The following ZSCAN2 variants were observed in gnomAD, a reference collection of about 807,000 sequenced individuals.
The protein encoded by ZSCAN2 is zinc finger and SCAN domain containing 2.
Under a neutral mutation model 47.8 loss-of-function variants are expected in ZSCAN2, and 26 were observed. The ratio of observed to expected loss-of-function variants is 0.54; its 90% CI spans 0.40 to 0.75. The LOEUF (loss-of-function observed/expected upper bound fraction) is 0.75. Among genes scored for constraint, ZSCAN2 ranks in the 30% least tolerant of loss-of-function variants. The probability of loss-of-function intolerance (pLI) is 0.00; values close to 1 mark genes in which losing one functional copy is unlikely to be tolerated. For missense variants in ZSCAN2, 732 were observed against 785.4 expected (o/e 0.93, Z 0.81); for synonymous variants, 305 against 288.7 (o/e 1.06, Z -0.57).
chr15:84,604,800 C>T (rs187212837), intron 2 of ZSCAN2, among the ~76,000 whole-genome samples: 1 of 146,244 alleles, frequency 6.8e-6, no homozygotes. Flanking sequence ...TGCAGTGGCA[C>T]AATCTTGGCT....
chr15:84,615,976 A>G (rs1201280436), intron 2 of ZSCAN2, among the ~76,000 whole-genome samples: 2 of 152,130 alleles, frequency 1.3e-5, no homozygotes, highest in Non-Finnish European at 2.9e-5. Context: ...GCTCCAGCCT[A>G]TAATCCCAAC....
At chr15:84,604,413 G>T in intron 2 of ZSCAN2, 80 bp downstream of exon 2, 1 of 1,512,118 alleles carries the variant, frequency 6.6e-7, no homozygotes, top group East Asian at 2.3e-5. Flanking sequence ...AGGAGGAGAA[G>T]GTGGTGTCCA....
intron 1 of ZSCAN2, among the ~76,000 whole-genome samples, 181 bp from the exon 2 acceptor site, chr15:84,603,639 G>T (rs1251809522): frequency 6.6e-6 from 1 of 152,258 alleles, no homozygotes; most frequent in African/African-American, 2.4e-5. Flanking sequence ...ACTGCACCCA[G>T]CCTTCTTTTA....
intron 1 of ZSCAN2, among the ~76,000 whole-genome samples, chr15:84,602,673 C>G (rs946839237): frequency 6.0e-5 from 9 of 150,168 alleles, no homozygotes; most frequent in African/African-American, 2.2e-4. Context: ...ACTGCAACCT[C>G]CTCCTCCCAG....
chr15:84,605,662 C>T (rs1187030319), intron 2 of ZSCAN2, among the ~76,000 whole-genome samples: 1 of 152,122 alleles, frequency 6.6e-6, no homozygotes, highest in Non-Finnish European at 1.5e-5. Context: ...CCCCAAGGGG[C>T]ATGGAAGGAA....
At chr15:84,602,455 G>A (rs1319002612) in intron 1 of ZSCAN2, among the ~76,000 whole-genome samples, 4 of 151,908 alleles carry the variant, frequency 2.6e-5, no homozygotes, top group East Asian at 1.9e-4. Context: ...CTCTTGTGCC[G>A]CCATTGCCAA....
intron 2 of ZSCAN2, among the ~76,000 whole-genome samples, chr15:84,609,074 G>A (rs190117654): frequency 5.9e-5 from 9 of 152,338 alleles, no homozygotes; most frequent in African/African-American, 2.2e-4. Context: ...CTGGCTTTCA[G>A]CCATCAGAGG....
chr15:84,616,575 C>A, intron 2 of ZSCAN2: 1 of 1,259,124 alleles, frequency 7.9e-7, no homozygotes, highest in Non-Finnish European at 1.0e-6. Context: ...ATTTTATCTT[C>A]TGATCTCACT....
rs556888277 is a variant in ZSCAN2 at position 84,622,219 on chromosome 15, C to T, written c.*179C>T. The T allele has an allele frequency of 2.0e-4, 125 of 639,934 alleles. 1 individual carries two copies. The highest frequency in any genetic ancestry group is 1.9e-3 in the African/African-American group (103 of 54,630). The allele number at this position is 639,934 out of a possible 1,614,324, so 39.6% of individuals were successfully genotyped here. A position where few individuals can be genotyped will look rare whatever the true frequency, so the allele number is the denominator to read the frequency against. On this transcript the variant is annotated 3_prime_UTR_variant, in exon 3 of 3. Transcript: ENST00000546148. ...CATTTTAGTGGTCTGAGTCAAGTCC[C>T]GTATACATTCAAGAACAGGGCATAG...
chr15:84,610,835 G>T (rs1459491421), intron 2 of ZSCAN2, among the ~76,000 whole-genome samples: 2 of 152,108 alleles, frequency 1.3e-5, no homozygotes, highest in Non-Finnish European at 2.9e-5. Flanking sequence ...TCAAAAGACA[G>T]CATACACATT....
chr15:84,604,040 A>G lies in ZSCAN2; in HGVS notation c.113A>G (p.Asp38Gly), dbSNP rs1248358704. Residue 38 changes from aspartate (D) to glycine (G), a missense_variant, in exon 2 of 3, where the codon GAC becomes GGC. By Grantham distance (94) the Asp-to-Gly change is moderately conservative (BLOSUM62 -1). This residue lies in a region of ZSCAN2 where 320 missense variants were observed against 287.4 expected (regional missense o/e 1.11). Coordinates refer to ENST00000546148, the MANE Select transcript of ZSCAN2 (RefSeq NM_181877.4). The part of the protein sequence containing the change: ...EEVTTMILED[D>G]SWVQEAVLQE... Reference sequence around the variant, plus strand: ...GTCACCACCATGATCCTGGAGGATGACTCCTGGGTGCAAGAAGCTGTGCTG... The same window carrying G: ...GTCACCACCATGATCCTGGAGGATGGCTCCTGGGTGCAAGAAGCTGTGCTG... 2.5e-6 allele frequency: 4 copies of G among 1,613,978 alleles called. No homozygotes were observed. Among genetic ancestry groups the G allele is most frequent in the Non-Finnish European group, 3.4e-6 (4 of 1,179,990 alleles).
Position 84,622,259 on chromosome 15 carries a change from G to T in ZSCAN2, c.*219G>T. The T allele has an allele frequency of 1.7e-6, 1 of 582,800 alleles. No individual in the cohort carries two copies. The highest frequency in any genetic ancestry group is 3.1e-6 in the Non-Finnish European group (1 of 324,108). The allele number at this position is 582,800 out of a possible 1,614,324, so 36.1% of individuals were successfully genotyped here. A position where few individuals can be genotyped will look rare whatever the true frequency, so the allele number is the denominator to read the frequency against. ...ACAGGGCATAGGCGTGGAAGGTCTG[G>T]AAAGTTGGGTCTTTTTCCCTTACAT... On this transcript the variant is annotated 3_prime_UTR_variant, in exon 3 of 3. Coordinates refer to ENST00000546148, the MANE Select transcript of ZSCAN2 (RefSeq NM_181877.4).
At chr15:84,616,774 C>T (rs1163273099) in intron 2 of ZSCAN2, among the ~76,000 whole-genome samples, 1 of 152,172 alleles carries the variant, frequency 6.6e-6, no homozygotes, top group Non-Finnish European at 1.5e-5. Context: ...TCTTGGCCTG[C>T]AGGTTCTTCT....
In ZSCAN2 at chr15:84,622,992, A is replaced by G. The variant is rs1895847555; in HGVS notation, c.*952A>G. 2.9e-6 allele frequency: 1 copy of G among 339,812 alleles called. No individual in the cohort carries two copies. Among genetic ancestry groups the G allele is most frequent in the Non-Finnish European group, 5.5e-6 (1 of 180,868 alleles). The allele number at this position is 339,812 out of a possible 1,614,324, so 21.0% of individuals were successfully genotyped here. On this transcript the variant is annotated 3_prime_UTR_variant, in exon 3 of 3. Transcript: ENST00000546148. ...AGGTACATAGCCCCATAATTTCTGA[A>G]TTATTCTATGCACTTGTTTCCCTCT...
chr15:84,616,016 T>A (rs544176904), intron 2 of ZSCAN2, among the ~76,000 whole-genome samples: 13 of 152,208 alleles, frequency 8.5e-5, no homozygotes, highest in Middle Eastern at 6.8e-3. Flanking sequence ...GTTGGATCAT[T>A]TGAGGTCAGG....
chr15:84,601,669 G>A (rs1054220110), intron 1 of ZSCAN2, among the ~76,000 whole-genome samples: 1 of 151,662 alleles, frequency 6.6e-6, no homozygotes, highest in East Asian at 1.9e-4. Flanking sequence ...TTGAGGGAGG[G>A]TTGTTAGTTG....
chr15:84,611,970 G>A (rs1895563058), intron 2 of ZSCAN2: 2 of 151,988 alleles, frequency 1.3e-5, no homozygotes, highest in Non-Finnish European at 2.9e-5. Flanking sequence ...CATTCACAAC[G>A]TGGTAAGAAT....
At chr15:84,618,263 C>T (rs915992965) in intron 2 of ZSCAN2, among the ~76,000 whole-genome samples, 2 of 151,788 alleles carry the variant, frequency 1.3e-5, no homozygotes, top group Non-Finnish European at 2.9e-5. Flanking sequence ...ACTAAAAATA[C>T]AAAAATTAGC....
Position 84,622,664 on chromosome 15 carries a change from A to C in ZSCAN2, c.*624A>C. The C allele has an allele frequency of 1.4e-6, 1 of 717,506 alleles. No individual in the cohort carries two copies. Among genetic ancestry groups the C allele is most frequent in the South Asian group, 1.5e-5 (1 of 67,598 alleles). 44.4% of individuals were successfully genotyped at this position (717,506 alleles called of 1,614,324 possible). On this transcript the variant is annotated 3_prime_UTR_variant, in exon 3 of 3. Transcript: ENST00000546148. ...TTTCCAGAAAGTGTCAGGAGCACAG[A>C]AACTTGAGGAAGTACAGCCTGGAGC...
Sources: allele counts gnomAD v4.1 joint callset (sites outside exome capture counted in the v4.1 genomes callset), GRCh38; gene constraint gnomAD v4.1.1; regional missense constraint gnomAD v4.1.1; transcripts MANE v1.5; gene names NCBI Gene and HGNC (gene_info 2026-07-23, HGNC 2026-07-21).